Variants in COL6A5 observed in about 807,000 individuals in gnomAD.
COL6A5 encodes the protein collagen type VI alpha 5 chain, also known as collagen alpha-5(VI) chain.
Under a neutral mutation model 65.6 loss-of-function variants are expected in COL6A5, and 48 were observed. That is an observed-to-expected ratio of 0.73 (90% CI 0.58 to 0.93). The LOEUF is 0.93. COL6A5 is among the 40% of genes least tolerant of loss of function. The probability of loss-of-function intolerance (pLI) is 0.00; values close to 1 mark genes in which losing one functional copy is unlikely to be tolerated. For synonymous variants in COL6A5, 291 were observed against 322.8 expected (o/e 0.90, Z 1.05); for missense variants, 914 against 928.3 (o/e 0.98, Z 0.20).
At chr3:130,361,931 C>G (rs1935122489) in intron 1 of COL6A5, among the ~76,000 whole-genome samples, 2 of 151,950 alleles carry the variant, frequency 1.3e-5, no homozygotes, top group East Asian at 3.8e-4. Context: ...TTTCAGAGTT[C>G]TTTGTATATT....
At chr3:130,401,633 C>A in intron 11 of COL6A5, 129 bp from the exon 12 acceptor site, 1 of 703,264 alleles carries the variant, frequency 1.4e-6, no homozygotes, top group Non-Finnish European at 2.5e-6. Flanking sequence ...CTCTTATTCT[C>A]TGCAGCCCCT....
intron 2 of COL6A5, among the ~76,000 whole-genome samples, chr3:130,375,099 G>A (rs1050082229): frequency 2.4e-4 from 37 of 152,268 alleles, no homozygotes; most frequent in African/African-American, 8.7e-4. Context: ...TGACTGCTAA[G>A]GTAGATACTA....
At chr3:130,443,635 AC>A in intron 4 of COL6A5, 69 bp downstream of exon 36, 2 of 937,432 alleles carry the variant, frequency 2.1e-6, no homozygotes, top group Non-Finnish European at 3.5e-6. Flanking sequence ...CTGGTTAATA[AC>A]ACTTTATTAG....
At chr3:130,354,797 T>G (rs923700961) in intron 1 of COL6A5, among the ~76,000 whole-genome samples, 1 of 152,266 alleles carries the variant, frequency 6.6e-6, no homozygotes, top group Non-Finnish European at 1.5e-5. Flanking sequence ...ATATTGTAAT[T>G]TCCTGCGTGT....
intron 1 of COL6A5, among the ~76,000 whole-genome samples, chr3:130,435,632 C>T (rs1050408640): frequency 1.1e-4 from 16 of 152,092 alleles, no homozygotes; most frequent in Non-Finnish European, 1.8e-4. Context: ...TTGTAGTTCT[C>T]CTTGAAGATG....
In COL6A5 at chr3:130,364,086, T is replaced by C. The variant is rs567267235; in HGVS notation, c.-28-9525T>C. On this transcript the variant is annotated intron_variant and NMD_transcript_variant, in intron 1 of 41. Coordinates refer to the COL6A5 transcript ENST00000312481. ...ATAGTCCCAGGGCAATTTTAAGAGATAACTAAGGTGCTATTAATCGTTGCA... is the reference window on the plus strand; with the variant it reads ...ATAGTCCCAGGGCAATTTTAAGAGACAACTAAGGTGCTATTAATCGTTGCA... Among the ~76,000 whole-genome samples the C allele has an allele frequency of 2.6e-5, 4 of 152,312 alleles. No homozygotes were observed. In the South Asian group the frequency reaches 8.3e-4, roughly 32 times the overall value.
exon 5 of COL6A5, chr3:130,385,363 AG>A (rs1559871357): frequency 6.5e-7 from 1 of 1,548,148 alleles, no homozygotes; most frequent in African/African-American, 1.4e-5. Flanking sequence ...GCGCTGAAAA[AG>A]GTAAGCAACA....
At chr3:130,403,696 GCA>G in intron 13 of COL6A5, 34 bp downstream of exon 13, 1 of 1,468,852 alleles carries the variant, frequency 6.8e-7, no homozygotes, top group Non-Finnish European at 9.3e-7. Flanking sequence ...ACCCCCTGTT[GCA>G]CACACACTGT....
intron 1 of COL6A5, among the ~76,000 whole-genome samples, chr3:130,434,852 T>C (rs1188769797): frequency 6.6e-6 from 1 of 152,180 alleles, no homozygotes. Context: ...CTTTGTCAGA[T>C]GGGTAGATTG....
intron 2 of COL6A5, among the ~76,000 whole-genome samples, chr3:130,374,542 T>C (rs140657188): frequency 2.8e-4 from 43 of 152,124 alleles, no homozygotes; most frequent in African/African-American, 9.6e-4. Flanking sequence ...CAACCTCTGC[T>C]CCCTCGGCTC....
chr3:130,470,682 ACTGG>A lies in COL6A5; in HGVS notation c.2232-185_2232-182del, dbSNP rs1346668087. Among the ~76,000 whole-genome samples, 4 of 152,204 alleles carry A rather than the reference ACTGG, an allele frequency of 2.6e-5. No homozygotes were observed. In the East Asian group the frequency reaches 7.8e-4, roughly 29 times the overall value. On this transcript the variant is annotated intron_variant, in intron 6 of 7. Transcript: ENST00000512836. ...GAGCATTGGAATTATTTATTCAATG[ACTGG>A]CTGTATCTTCTTGACTTTGCCAAGA...
At chr3:130,460,999 A>G (rs1035440604) in intron 5 of COL6A5, among the ~76,000 whole-genome samples, 2 of 151,962 alleles carry the variant, frequency 1.3e-5, no homozygotes, top group African/African-American at 4.8e-5. Flanking sequence ...TAGAGGGCTT[A>G]CTATATGAAA....
chr3:130,419,556 G>C (rs1002872107), intron 25 of COL6A5, among the ~76,000 whole-genome samples: 1 of 152,128 alleles, frequency 6.6e-6, no homozygotes, highest in Admixed American at 6.6e-5. Context: ...AATGTAGTAT[G>C]TATGCATAAT....
intron 5 of COL6A5, among the ~76,000 whole-genome samples, chr3:130,463,854 G>A (rs977145743): frequency 6.6e-6 from 1 of 152,012 alleles, no homozygotes; most frequent in Non-Finnish European, 1.5e-5. Context: ...AAATTTTAGA[G>A]TTTTCAAGGT....
chr3:130,391,813 A>T lies in COL6A5; in HGVS notation c.2992+59A>T. 2.3e-6 allele frequency: 3 copies of T among 1,289,570 alleles called. No individual in the cohort carries two copies. In the South Asian group the frequency reaches 4.6e-5, roughly 20 times the overall value. 79.9% of individuals were successfully genotyped at this position (1,289,570 alleles called of 1,614,324 possible). On this transcript the variant is annotated intron_variant and NMD_transcript_variant, in intron 7 of 41. Transcript: ENST00000312481. The stretch of plus-strand genomic sequence containing the variant: ...AGCAATAAAAGTTTAAACAAAAAGT[A>T]AATCATAAGTCTCAGGTCTCCGATT...
intron 1 of COL6A5, among the ~76,000 whole-genome samples, chr3:130,368,350 T>C (rs1935417578): frequency 6.6e-6 from 1 of 152,148 alleles, no homozygotes; most frequent in South Asian, 2.1e-4. Flanking sequence ...GGCACAATAG[T>C]TGGATAAATG....
chr3:130,439,658 T>C, intron 2 of COL6A5, 43 bp downstream of exon 34: 1 of 1,309,886 alleles, frequency 7.6e-7, no homozygotes, highest in South Asian at 1.3e-5. Flanking sequence ...AGAGCTTAAA[T>C]GCCTTCTAGA....
intron 2 of COL6A5, among the ~76,000 whole-genome samples, chr3:130,374,055 A>G (rs1935669207): frequency 6.6e-6 from 1 of 152,208 alleles, no homozygotes; most frequent in South Asian, 2.1e-4. Flanking sequence ...ACAAATTCTA[A>G]GTATTTTCGT....
chr3:130,467,772 T>G (rs1335369798), intron 5 of COL6A5, among the ~76,000 whole-genome samples: 2 of 151,614 alleles, frequency 1.3e-5, no homozygotes. Context: ...TTTGTTGTTG[T>G]GAGAATTAAT....
Sources: gnomAD v4.1 joint callset for allele counts (sites outside exome capture counted in the v4.1 genomes callset) on GRCh38, gnomAD v4.1.1 for gene constraint, MANE v1.5 for transcripts, NCBI Gene and HGNC (gene_info 2026-07-23, HGNC 2026-07-21) for gene names.